Variants in RPL7L1 observed in about 807,000 individuals in gnomAD.
RPL7L1 encodes the protein ribosomal protein L7 like 1.
In RPL7L1, 20 loss-of-function variants were observed where a neutral mutation model predicts 30.3. That is an observed-to-expected ratio of 0.66 (90% confidence interval 0.46 to 0.96). RPL7L1 has a LOEUF of 0.96. Ranked by LOEUF, RPL7L1 falls within the 40% of genes least tolerant of loss-of-function variation. The probability of loss-of-function intolerance (pLI) is 0.00; values close to 1 mark genes in which losing one functional copy is unlikely to be tolerated. For missense variants in RPL7L1, 271 were observed against 314.9 expected (o/e 0.86, Z 1.05); for synonymous variants, 107 against 110.1 (o/e 0.97, Z 0.18).
intron 3 of RPL7L1, 158 bp downstream of exon 3, chr6:42,883,772 C>A: frequency 2.1e-6 from 1 of 485,002 alleles, no homozygotes. Flanking sequence ...ATTTGGAAGA[C>A]CTTAGACAGA....
At chr6:42,881,839 C>T (rs990686692) in intron 2 of RPL7L1, 3 of 152,108 alleles carry the variant, frequency 2.0e-5, no homozygotes, top group Non-Finnish European at 4.4e-5. Context: ...CTTACCACAA[C>T]CTCCGCCGCC....
At position 42,887,916 on chromosome 6, in the gene RPL7L1, T is replaced by G. The variant is rs1275564424; in HGVS notation, c.*1452T>G. 1.3e-5 allele frequency: 2 copies of G among 150,458 alleles called. No homozygotes were observed. Among genetic ancestry groups the G allele is most frequent in the Non-Finnish European group, 3.0e-5 (2 of 67,622 alleles). 9.3% of individuals were successfully genotyped at this position (150,458 alleles called of 1,614,324 possible). On this transcript the variant is annotated 3_prime_UTR_variant, in exon 6 of 6. Transcript: ENST00000493763. ...AGGCATAAAAATAAATGTTCACTTG[T>G]CTCTGCTGTGAGTATGTGTTCCAAC...
chr6:42,880,147 A>G (rs2114074838), intron 1 of RPL7L1, among the ~76,000 whole-genome samples, 196 bp downstream of exon 1: 1 of 152,182 alleles, frequency 6.6e-6, no homozygotes, highest in Admixed American at 6.5e-5. Flanking sequence ...GGTTATCTGG[A>G]GAGGCGAGGA....
At chr6:42,880,012 G>T in intron 1 of RPL7L1, 61 bp downstream of exon 1, 1 of 1,518,028 alleles carries the variant, frequency 6.6e-7, no homozygotes, top group Admixed American at 1.7e-5. Context: ...GCCATCCACG[G>T]TGTTTATGCC....
chr6:42,882,512 G>A (rs1766114916), intron 2 of RPL7L1: 1 of 150,560 alleles, frequency 6.6e-6, no homozygotes, highest in Non-Finnish European at 1.5e-5. Context: ...AGAATTGCTT[G>A]AACCCGAGAG....
chr6:42,880,812 C>G (rs1476833330), intron 1 of RPL7L1, 49 bp from the exon 2 acceptor site: 1 of 1,110,134 alleles, frequency 9.0e-7, no homozygotes. Flanking sequence ...CGAGCCCGGC[C>G]AAGTGTTCTT....
rs182876278 is a variant in RPL7L1 at position 42,885,103 on chromosome 6, G to A, written c.449+353G>A. ...CCAACACTTTGGGAGGCCGAGGCGG[G>A]TGGATCACACGGTCAGGAGTGGATC... On this transcript the variant is annotated intron_variant, in intron 4 of 5. Transcript: ENST00000493763. Among the ~76,000 whole-genome samples, 5 of 152,312 alleles carry A rather than the reference G, an allele frequency of 3.3e-5. No individual in the cohort carries two copies. In the East Asian group the frequency reaches 9.6e-4, roughly 29 times the overall value.
intron 3 of RPL7L1, among the ~76,000 whole-genome samples, chr6:42,884,137 G>A (rs943118214): frequency 1.3e-5 from 2 of 150,558 alleles, no homozygotes; most frequent in Non-Finnish European, 3.0e-5. Flanking sequence ...GCATGTTTAT[G>A]AGCTCTGTCC....
chr6:42,887,670 A>G lies in RPL7L1; in HGVS notation c.*1206A>G, dbSNP rs1245988267. ...AAGGAAAAATTCCAGTGTTTTCTGC[A>G]TTGGGTGCTGTGTCATCTGAAATCG... On this transcript the variant is annotated 3_prime_UTR_variant, in exon 6 of 6. Transcript: ENST00000493763. 1 of 152,212 alleles carries G rather than the reference A, an allele frequency of 6.6e-6. No homozygotes were observed. The highest frequency in any genetic ancestry group is 1.5e-5 in the Non-Finnish European group (1 of 68,056). The allele number at this position is 152,212 out of a possible 1,614,324, so 9.4% of individuals were successfully genotyped here. A position where few individuals can be genotyped will look rare whatever the true frequency, so the allele number is the denominator to read the frequency against.
chr6:42,889,441 CAAAAAAAAA>C lies in RPL7L1; in HGVS notation c.*2988_*2996del, dbSNP rs35319817. The C allele has an allele frequency of 1.2e-4, 11 of 90,636 alleles. No homozygotes were observed. The highest frequency in any genetic ancestry group is 3.7e-4 in the African/African-American group (10 of 26,990). The allele number at this position is 90,636 out of a possible 1,614,324, so 5.6% of individuals were successfully genotyped here. ...GGGCAACAAAAGCAAAACTCTGTCT[CAAAAAAAAA>C]AAAAAAAAAAGTGCCAGCGTATGAG... On this transcript the variant is annotated 3_prime_UTR_variant, in exon 6 of 6. Coordinates refer to ENST00000493763, the MANE Select transcript of RPL7L1 (RefSeq NM_001366481.3).
rs920420053 is a variant in RPL7L1 at position 42,889,850 on chromosome 6, G to T, written c.*3386G>T. ...TTAAAAAACCTAATAAAACAAGTTT[G>T]TAATTTATAATTGTATACAAATAAA... is the stretch of plus-strand genomic sequence containing the variant. On this transcript the variant is annotated 3_prime_UTR_variant, in exon 6 of 6. Transcript: ENST00000493763. 1.3e-5 allele frequency: 2 copies of T among 152,214 alleles called. No individual in the cohort carries two copies. Among genetic ancestry groups the T allele is most frequent in the Non-Finnish European group, 2.9e-5 (2 of 68,040 alleles). 9.4% of individuals were successfully genotyped at this position (152,214 alleles called of 1,614,324 possible). A position where few individuals can be genotyped will look rare whatever the true frequency, so the allele number is the denominator to read the frequency against.
Position 42,879,837 on chromosome 6 carries a change from G to T in RPL7L1, c.-74G>T. The stretch of plus-strand genomic sequence containing the variant: ...AGTGAACGCTGACTGGTCCTCCAGC[G>T]TGAGCTAGAACAGACGTCTCTATGG... On this transcript the variant is annotated 5_prime_UTR_variant, in exon 1 of 6. Coordinates refer to ENST00000493763, the MANE Select transcript of RPL7L1 (RefSeq NM_001366481.3). 1.3e-6 allele frequency: 2 copies of T among 1,514,990 alleles called. No individual in the cohort carries two copies. The highest frequency in any genetic ancestry group is 1.8e-6 in the Non-Finnish European group (2 of 1,092,170). The allele number at this position is 1,514,990 out of a possible 1,614,324, so 93.8% of individuals were successfully genotyped here. A position where few individuals can be genotyped will look rare whatever the true frequency, so the allele number is the denominator to read the frequency against.
chr6:42,883,259 C>A, intron 2 of RPL7L1, 192 bp from the exon 3 acceptor site: 1 of 435,224 alleles, frequency 2.3e-6, no homozygotes. Context: ...CCAATAATTC[C>A]CAAGTTTCCT....
chr6:42,880,100 C>A, intron 1 of RPL7L1, 149 bp downstream of exon 1: 1 of 826,416 alleles, frequency 1.2e-6, no homozygotes, highest in Non-Finnish European at 2.1e-6. Flanking sequence ...AGGAGTAGCG[C>A]TGTGGCGGAG....
In RPL7L1 at chr6:42,886,987, C is replaced by T. The variant is rs1422838211; in HGVS notation, c.*523C>T. Reference sequence around the variant, plus strand: ...CCAGCTGGGCGACAGAGCGAGACTCCATCTCGGAAAAAAAAAAAAAAAAAC... The same window carrying T: ...CCAGCTGGGCGACAGAGCGAGACTCTATCTCGGAAAAAAAAAAAAAAAAAC... On this transcript the variant is annotated 3_prime_UTR_variant, in exon 6 of 6. Coordinates refer to ENST00000493763, the MANE Select transcript of RPL7L1 (RefSeq NM_001366481.3). The T allele has an allele frequency of 7.9e-6, 1 of 126,892 alleles. No homozygotes were observed. The highest frequency in any genetic ancestry group is 3.6e-5 in the African/African-American group (1 of 28,014). The allele number at this position is 126,892 out of a possible 1,614,324, so 7.9% of individuals were successfully genotyped here.
intron 2 of RPL7L1, 80 bp from the exon 3 acceptor site, chr6:42,883,371 T>A: frequency 9.0e-7 from 1 of 1,107,442 alleles, no homozygotes; most frequent in South Asian, 1.9e-5. Context: ...GCTATATCAG[T>A]TGTCACTTAT....
chr6:42,884,335 C>A (rs905445975), intron 3 of RPL7L1, among the ~76,000 whole-genome samples: 1 of 152,184 alleles, frequency 6.6e-6, no homozygotes, highest in Non-Finnish European at 1.5e-5. Context: ...CATAGAAGCA[C>A]ATCCAGCTTC....
chr6:42,886,026 A>G lies in RPL7L1; in HGVS notation c.502A>G (p.Lys168Glu). ...RELILKRGQA[K>E]VKNKTIPLTD... ...ACTCATTTTGAAACGTGGACAAGCC[A>G]AGGTCAAGAATAAGACCATCCCTCT... Residue 168 changes from lysine (K) to glutamate (E), a missense_variant, in exon 5 of 6, where the codon AAG (lysine) becomes GAG (glutamate). Physicochemically the swap from Lys to Glu is moderately conservative, Grantham distance 56 (BLOSUM62 1). Coordinates refer to ENST00000493763, the MANE Select transcript of RPL7L1 (RefSeq NM_001366481.3). 6.2e-7 allele frequency: 1 copy of G among 1,610,680 alleles called. No individual in the cohort carries two copies. The highest frequency in any genetic ancestry group is 8.5e-7 in the Non-Finnish European group (1 of 1,178,006).
At chr6:42,883,779 C>CAGAT in intron 3 of RPL7L1, 165 bp downstream of exon 3, 1 of 461,392 alleles carries the variant, frequency 2.2e-6, no homozygotes. Context: ...AGACCTTAGA[C>CAGAT]AGATAGGCTT....
Sources: gnomAD v4.1 joint callset for allele counts (sites outside exome capture counted in the v4.1 genomes callset) on GRCh38, gnomAD v4.1.1 for gene constraint, MANE v1.5 for transcripts, NCBI Gene and HGNC (gene_info 2026-07-23, HGNC 2026-07-21) for gene names.